SH3RF1: variants seen among roughly 807,000 people sequenced by gnomAD.
SH3RF1 encodes the protein SH3 domain containing ring finger 1, also known as E3 ubiquitin-protein ligase SH3RF1.
SH3RF1 carries 32 observed loss-of-function variants against 74.0 expected under a neutral mutation model. The ratio of observed to expected loss-of-function variants is 0.43; its 90% CI spans 0.33 to 0.58. The LOEUF is 0.58. Among genes scored for constraint, SH3RF1 ranks in the 20% least tolerant of loss-of-function variants. The probability of loss-of-function intolerance (pLI) is 0.05; values close to 1 mark genes in which losing one functional copy is unlikely to be tolerated. For synonymous variants in SH3RF1, 396 were observed against 439.6 expected, an observed-to-expected ratio of 0.90 and a Z score of 1.24; for missense variants, 954 against 1,130.9, an observed-to-expected ratio of 0.84 and a Z score of 2.24.
intron 2 of SH3RF1, among the ~76,000 whole-genome samples, chr4:169,253,297 A>G (rs1731133905): frequency 6.6e-6 from 1 of 152,238 alleles, no homozygotes; most frequent in African/African-American, 2.4e-5. Context: ...ACCTAGTGTT[A>G]CTTATTTGTA....
At chr4:169,111,834 G>T (rs1733250139) in intron 10 of SH3RF1, among the ~76,000 whole-genome samples, 1 of 152,230 alleles carries the variant, frequency 6.6e-6, no homozygotes, top group Non-Finnish European at 1.5e-5. Flanking sequence ...TAGAGTTTCA[G>T]ATGCCTGTTT....
intron 2 of SH3RF1, among the ~76,000 whole-genome samples, chr4:169,247,966 A>G (rs1171760510): frequency 6.6e-6 from 1 of 152,222 alleles, no homozygotes; most frequent in Non-Finnish European, 1.5e-5. Context: ...TAGAATGGCG[A>G]TCATTAAAAA....
At chr4:169,258,958 T>C (rs1731231861) in intron 2 of SH3RF1, among the ~76,000 whole-genome samples, 1 of 152,164 alleles carries the variant, frequency 6.6e-6, no homozygotes, top group South Asian at 2.1e-4. Flanking sequence ...GCTAGGGATA[T>C]TTGTATCCCA....
chr4:169,113,089 G>A (rs970802208), intron 10 of SH3RF1, among the ~76,000 whole-genome samples: 1 of 151,720 alleles, frequency 6.6e-6, no homozygotes, highest in African/African-American at 2.4e-5. Flanking sequence ...GGCAAGGAAA[G>A]GCATGTGCAA....
intron 11 of SH3RF1, 24 bp from the exon 12 acceptor site, chr4:169,096,711 T>A (rs776179112): frequency 4.9e-5 from 78 of 1,595,328 alleles, no homozygotes; most frequent in Non-Finnish European, 6.4e-5. Context: ...AGATTTTGGT[T>A]AAGGCGATTC....
At chr4:169,268,226 TA>T (rs1731385139) in intron 2 of SH3RF1, among the ~76,000 whole-genome samples, 1 of 152,162 alleles carries the variant, frequency 6.6e-6, no homozygotes, top group African/African-American at 2.4e-5. Context: ...AAGCCCAACA[TA>T]AAGCTAGATG....
chr4:169,242,670 G>A (rs1034268268), intron 2 of SH3RF1, among the ~76,000 whole-genome samples: 1 of 152,180 alleles, frequency 6.6e-6, no homozygotes, highest in Non-Finnish European at 1.5e-5. Context: ...GAGATGTTTA[G>A]GTCATGGGGG....
At chr4:169,173,252 T>C (rs1734362351) in intron 2 of SH3RF1, among the ~76,000 whole-genome samples, 1 of 152,090 alleles carries the variant, frequency 6.6e-6, no homozygotes, top group Non-Finnish European at 1.5e-5. Flanking sequence ...ATCCACCTAA[T>C]CCCACTCCTA....
At position 169,121,005 on chromosome 4, in the gene SH3RF1, A is replaced by G. The variant is rs376859583; in HGVS notation, c.1347-16T>C. 12 of 1,604,864 alleles carry G rather than the reference A, an allele frequency of 7.5e-6. No individual in the cohort carries two copies. Among genetic ancestry groups the G allele is most frequent in the Non-Finnish European group, 1.0e-5 (12 of 1,171,792 alleles). ...AGCAACATACCTAGAATAGAAAATA[A>G]TATTTGATTTCAGGTTGAGTAACAG... On this transcript the variant is annotated splice_polypyrimidine_tract_variant and intron_variant, in intron 7 of 11. Transcript: ENST00000284637.
intron 2 of SH3RF1, among the ~76,000 whole-genome samples, chr4:169,171,419 G>A (rs1734325933): frequency 6.6e-6 from 1 of 152,112 alleles, no homozygotes; most frequent in Admixed American, 6.6e-5. Context: ...GATTAATGAG[G>A]GGGAAACAGA....
Position 169,147,458 on chromosome 4 carries a change from C to T in SH3RF1, c.765+8022G>A, listed in dbSNP as rs190452868. On this transcript the variant is annotated intron_variant, in intron 4 of 11. Coordinates refer to ENST00000284637, the MANE Select transcript of SH3RF1 (RefSeq NM_020870.4). Reference sequence around the variant, plus strand: ...TCCCCTACCCTGGATACTTAAAGCACGTGTGGATGTGCATGGGGGCAGGGT... The same window carrying T: ...TCCCCTACCCTGGATACTTAAAGCATGTGTGGATGTGCATGGGGGCAGGGT... Among the ~76,000 whole-genome samples the T allele has an allele frequency of 1.6e-3, 247 of 152,214 alleles. 2 individuals carry two copies. Among genetic ancestry groups the T allele is most frequent in the Admixed American group, 4.3e-3 (65 of 15,284 alleles).
Position 169,119,278 on chromosome 4 carries a change from ATTTTTTT to A in SH3RF1, c.1518-1503_1518-1497del, listed in dbSNP as rs11397253. Among the ~76,000 whole-genome samples the A allele has an allele frequency of 1.2e-4, 8 of 66,394 alleles. No homozygotes were observed. In the South Asian group the frequency reaches 2.4e-3, roughly 20 times the overall value. The allele number at this position is 66,394 out of a possible 152,430, so 43.6% of individuals were successfully genotyped here. On this transcript the variant is annotated intron_variant, in intron 8 of 11. Transcript: ENST00000284637. ...GCCACCATGCCTGGCTAATTTTTGT[ATTTTTTT>A]TTTTTTTTTTTTTTTTTTTAGTAGA...
intron 2 of SH3RF1, among the ~76,000 whole-genome samples, chr4:169,264,626 T>C (rs773212105): frequency 6.6e-6 from 1 of 152,248 alleles, no homozygotes; most frequent in African/African-American, 2.4e-5. Flanking sequence ...CTCTCCATTC[T>C]TTGACACAAG....
intron 2 of SH3RF1, chr4:169,166,738 G>T: frequency 4.7e-6 from 1 of 214,500 alleles, no homozygotes. Context: ...AGGTGTCACA[G>T]AGGCAAGAGA....
Position 169,137,999 on chromosome 4 carries a change from C to T in SH3RF1, c.766-1379G>A, listed in dbSNP as rs189826808. Among the ~76,000 whole-genome samples, 291 of 152,246 alleles carry T rather than the reference C, an allele frequency of 1.9e-3. 2 individuals carry two copies. Among genetic ancestry groups the T allele is most frequent in the African/African-American group, 6.1e-3 (254 of 41,536 alleles). On this transcript the variant is annotated intron_variant, in intron 4 of 11. Transcript: ENST00000284637. ...ATCATTCAGAAATAATAGGCAGTAA[C>T]GCCAGAATAACACCTGTCAATGCCT... is the stretch of plus-strand genomic sequence containing the variant.
chr4:169,207,703 T>A (rs1730284414), intron 2 of SH3RF1, among the ~76,000 whole-genome samples: 1 of 152,196 alleles, frequency 6.6e-6, no homozygotes, highest in Admixed American at 6.5e-5. Context: ...AACTCTAGAA[T>A]GTGATGGCTG....
chr4:169,135,408 T>A (rs1579100074), intron 5 of SH3RF1, among the ~76,000 whole-genome samples: 1 of 152,104 alleles, frequency 6.6e-6, no homozygotes, highest in South Asian at 2.1e-4. Context: ...AAAATCTGCA[T>A]GAATTTTCAA....
intron 4 of SH3RF1, among the ~76,000 whole-genome samples, chr4:169,146,236 T>C (rs1457279795): frequency 6.9e-6 from 1 of 145,516 alleles, no homozygotes; most frequent in Non-Finnish European, 1.5e-5. Flanking sequence ...TATATACTTT[T>C]TTTTTTTTTT....
intron 5 of SH3RF1, 150 bp downstream of exon 5, chr4:169,136,168 C>T: frequency 2.5e-6 from 2 of 807,530 alleles, no homozygotes; most frequent in Non-Finnish European, 1.8e-6. Flanking sequence ...TTTCCACTTA[C>T]AAAATGAAGA....
Sources: gnomAD v4.1 joint callset for allele counts (sites outside exome capture counted in the v4.1 genomes callset) on GRCh38, gnomAD v4.1.1 for gene constraint, MANE v1.5 for transcripts, NCBI Gene and HGNC (gene_info 2026-07-23, HGNC 2026-07-21) for gene names.